Variants in TSHZ3 observed in about 807,000 individuals in gnomAD.
TSHZ3 encodes the protein teashirt homolog 3.
In TSHZ3, 10 loss-of-function variants were observed where a neutral mutation model predicts 64.5. That is an observed-to-expected ratio of 0.16 (90% confidence interval 0.10 to 0.26). The LOEUF (loss-of-function observed/expected upper bound fraction) is 0.26, where lower values mean the gene tolerates loss of function less well. TSHZ3 is among the 10% of genes least tolerant of loss of function. The pLI, the probability that TSHZ3 is intolerant of heterozygous loss-of-function variation, is 1.00. For synonymous variants in TSHZ3, 608 were observed against 593.1 expected, an observed-to-expected ratio of 1.03 and a Z score of -0.36; for missense variants, 1,242 against 1,421.7, an observed-to-expected ratio of 0.87 and a Z score of 2.03.
In TSHZ3 at chr19:31,349,294, G is replaced by A. The variant is rs2021624794; in HGVS notation, c.-75C>T. The stretch of plus-strand genomic sequence containing the variant: ...TGAGGACAGGGAGGGAGGGGGCGGC[G>A]GGCCCGCGGGGGGGCGAGGCGGGCC... On this transcript the variant is annotated 5_prime_UTR_variant, in exon 1 of 2. Coordinates refer to ENST00000240587, the MANE Select transcript of TSHZ3 (RefSeq NM_020856.4). The A allele has an allele frequency of 1.4e-6, 2 of 1,423,426 alleles. No homozygotes were observed. Among genetic ancestry groups the A allele is most frequent in the East Asian group, 2.9e-5 (1 of 34,836 alleles). 88.2% of individuals were successfully genotyped at this position (1,423,426 alleles called of 1,614,324 possible). A position where few individuals can be genotyped will look rare whatever the true frequency, so the allele number is the denominator to read the frequency against.
intron 1 of TSHZ3, among the ~76,000 whole-genome samples, chr19:31,339,135 C>T (rs1406779657): frequency 1.3e-5 from 2 of 151,960 alleles, no homozygotes; most frequent in Non-Finnish European, 2.9e-5. Context: ...AGATTCATTT[C>T]TACCACCCTT....
chr19:31,159,495 A>G (rs1974345880), intron 5 of TSHZ3, among the ~76,000 whole-genome samples: 1 of 152,164 alleles, frequency 6.6e-6, no homozygotes, highest in Admixed American at 6.5e-5. Flanking sequence ...AAAATATTTT[A>G]TTAAAATTAA....
chr19:31,236,263 CA>C (rs1448766522), intron 3 of TSHZ3, among the ~76,000 whole-genome samples: 2 of 152,168 alleles, frequency 1.3e-5, no homozygotes, highest in Non-Finnish European at 2.9e-5. Context: ...CAACGGTGTA[CA>C]AAAGTTACTT....
At chr19:31,343,864 C>A (rs1244534088) in intron 1 of TSHZ3, among the ~76,000 whole-genome samples, 3 of 151,130 alleles carry the variant, frequency 2.0e-5, no homozygotes, top group African/African-American at 7.3e-5. Flanking sequence ...AATTTAGTGA[C>A]TAATTGCAAA....
At chr19:31,299,980 T>C (rs1015336159) in intron 1 of TSHZ3, among the ~76,000 whole-genome samples, 14 of 152,360 alleles carry the variant, frequency 9.2e-5, no homozygotes, top group Admixed American at 5.9e-4. Context: ...TTAAGATCAA[T>C]AATGGTTAAT....
At chr19:31,211,615 C>T (rs1421317312) in intron 4 of TSHZ3, among the ~76,000 whole-genome samples, 1 of 152,164 alleles carries the variant, frequency 6.6e-6, no homozygotes, top group Non-Finnish European at 1.5e-5. Context: ...TGTTGTGAGG[C>T]AGACCAGCCC....
At chr19:31,280,718 G>A (rs903045429) in intron 1 of TSHZ3, among the ~76,000 whole-genome samples, 8 of 152,224 alleles carry the variant, frequency 5.3e-5, no homozygotes, top group African/African-American at 1.4e-4. Context: ...TTCTGGAAGC[G>A]ATGTAACTGG....
chr19:31,254,609 G>T (rs1461278622), intron 1 of TSHZ3, among the ~76,000 whole-genome samples: 3 of 152,180 alleles, frequency 2.0e-5, no homozygotes, highest in Non-Finnish European at 4.4e-5. Context: ...GTTCAATGCG[G>T]CGGGTGATTT....
chr19:31,219,953 ATTGATTAT>A (rs1975377799), intron 4 of TSHZ3, among the ~76,000 whole-genome samples: 1 of 152,020 alleles, frequency 6.6e-6, no homozygotes, highest in Non-Finnish European at 1.5e-5. Flanking sequence ...CAATTGATCA[ATTGATTAT>A]TTGATCAATT....
chr19:31,201,001 CA>C (rs1376039685), intron 5 of TSHZ3, among the ~76,000 whole-genome samples: 2 of 100,910 alleles, frequency 2.0e-5, no homozygotes, highest in Non-Finnish European at 5.2e-5. Context: ...AGTGTGGTGT[CA>C]GGGGAAAAAA....
intron 1 of TSHZ3, among the ~76,000 whole-genome samples, chr19:31,293,171 T>A (rs1976604691): frequency 6.6e-6 from 1 of 151,846 alleles, no homozygotes; most frequent in African/African-American, 2.4e-5. Flanking sequence ...CAAAAACCCA[T>A]CCTTTCATCC....
At chr19:31,204,680 T>C (rs1975140117) in intron 5 of TSHZ3, 1 of 152,272 alleles carries the variant, frequency 6.6e-6, no homozygotes, top group African/African-American at 2.4e-5. Context: ...GTGCAAAGGA[T>C]CATTTTTTCC....
chr19:31,308,800 AG>A (rs1274999044), intron 1 of TSHZ3: 5 of 397,594 alleles, frequency 1.3e-5, no homozygotes, highest in Non-Finnish European at 2.2e-5. Flanking sequence ...CCTAGAGATA[AG>A]GAAGTGACTC....
intron 1 of TSHZ3, among the ~76,000 whole-genome samples, chr19:31,338,581 C>CTTTT (rs34643581): frequency 8.4e-6 from 1 of 119,106 alleles, no homozygotes; most frequent in African/African-American, 3.3e-5. Context: ...TTTTTTTTTT[C>CTTTT]TTTTTTTTTT....
chr19:31,276,281 G>A lies in TSHZ3; in HGVS notation c.*266C>T, dbSNP rs144840087. ...GTTAATGCATGCAGCTTGAAGCATC[G>A]GGAGGATGCTCACAACTAAATCCCG... On this transcript the variant is annotated 3_prime_UTR_variant, in exon 2 of 2. Transcript: ENST00000240587. 155 of 324,842 alleles carry A rather than the reference G, an allele frequency of 4.8e-4. No homozygotes were observed. Among genetic ancestry groups the A allele is most frequent in the African/African-American group, 2.4e-3 (115 of 47,090 alleles). 20.1% of individuals were successfully genotyped at this position (324,842 alleles called of 1,614,324 possible). A position where few individuals can be genotyped will look rare whatever the true frequency, so the allele number is the denominator to read the frequency against.
chr19:31,226,977 C>CTTTCTTTTTTT (rs11419299), intron 4 of TSHZ3, among the ~76,000 whole-genome samples: 1 of 65,684 alleles, frequency 1.5e-5, no homozygotes, highest in Non-Finnish European at 2.4e-5. Context: ...TTCTTTCTTT[C>CTTTCTTTTTTT]TTTTTTTTTT....
At chr19:31,167,866 G>A (rs1208043358) in intron 5 of TSHZ3, 2 of 152,160 alleles carry the variant, frequency 1.3e-5, no homozygotes, top group East Asian at 1.9e-4. Context: ...CCCTCCCGTC[G>A]CTTCCCTTTA....
Position 31,279,126 on chromosome 19 carries a change from A to C in TSHZ3, c.667T>G (p.Tyr223Asp). 6.2e-7 allele frequency: 1 copy of C among 1,613,808 alleles called. No individual in the cohort carries two copies. The highest frequency in any genetic ancestry group is 8.5e-7 in the Non-Finnish European group (1 of 1,179,794). Residue 223 changes from tyrosine (Y) to aspartate (D), a missense_variant, in exon 2 of 2, where the codon TAC becomes GAC. Physicochemically the swap from Tyr to Asp is radical, Grantham distance 160. This residue lies in a region of TSHZ3 where 555 missense variants were observed against 704.0 expected (regional missense o/e 0.79). Transcript: ENST00000240587. This position sits in a 1 kb window ranked among gnomAD's most constrained non-coding sequence, Gnocchi z 6.4. ...ACCGTCAACTCCACCAGGGTGTCGTAGGCAGCGCTGCAGTCCTTACAGCGG... is the reference window on the plus strand; with the variant it reads ...ACCGTCAACTCCACCAGGGTGTCGTCGGCAGCGCTGCAGTCCTTACAGCGG... ...KFRCKDCSAA[Y>D]DTLVELTVHM...
intron 1 of TSHZ3, among the ~76,000 whole-genome samples, chr19:31,328,479 A>G (rs539870842): frequency 6.6e-6 from 1 of 152,212 alleles, no homozygotes; most frequent in Non-Finnish European, 1.5e-5. Flanking sequence ...CTGCTGATGG[A>G]GCCCAACCTT....
Sources: allele counts gnomAD v4.1 joint callset (sites outside exome capture counted in the v4.1 genomes callset), GRCh38; gene constraint gnomAD v4.1.1; regional missense constraint gnomAD v4.1.1; non-coding constraint Gnocchi (gnomAD v3.1); transcripts MANE v1.5; gene names NCBI Gene and HGNC (gene_info 2026-07-23, HGNC 2026-07-21).